NRG3: variants seen among roughly 807,000 people sequenced by gnomAD.
The protein encoded by NRG3 is pro-neuregulin-3, membrane-bound isoform.
Under a neutral mutation model 66.9 loss-of-function variants are expected in NRG3, and 31 were observed. The observed-to-expected ratio is 0.46, with a 90% CI of 0.35 to 0.63. The LOEUF (loss-of-function observed/expected upper bound fraction) is 0.63. Among genes scored for constraint, NRG3 ranks in the 20% least tolerant of loss-of-function variants. The probability of loss-of-function intolerance (pLI) is 0.00; values close to 1 mark genes in which losing one functional copy is unlikely to be tolerated. For synonymous variants in NRG3, 393 were observed against 359.4 expected, an observed-to-expected ratio of 1.09 and a Z score of -1.06; for missense variants, 910 against 878.9, an observed-to-expected ratio of 1.04 and a Z score of -0.45.
At chr10:82,613,491 G>T (rs944175055) in intron 2 of NRG3, among the ~76,000 whole-genome samples, 1 of 151,262 alleles carries the variant, frequency 6.6e-6, no homozygotes, top group African/African-American at 2.4e-5. Flanking sequence ...GTTGTAGGAT[G>T]ATAATATTTT....
intron 2 of NRG3, among the ~76,000 whole-genome samples, chr10:82,727,622 G>A (rs1444928908): frequency 6.6e-6 from 1 of 152,256 alleles, no homozygotes; most frequent in Admixed American, 6.5e-5. Context: ...GATGCTCATG[G>A]AGAACCTCTG....
chr10:82,463,717 A>G (rs1294725775), intron 2 of NRG3, among the ~76,000 whole-genome samples: 1 of 152,216 alleles, frequency 6.6e-6, no homozygotes, highest in Non-Finnish European at 1.5e-5. Flanking sequence ...ACCACATGGC[A>G]GAGAACCAAC....
intron 2 of NRG3, among the ~76,000 whole-genome samples, chr10:82,583,318 G>A (rs1210328786): frequency 6.6e-6 from 1 of 152,122 alleles, no homozygotes; most frequent in Non-Finnish European, 1.5e-5. Flanking sequence ...TTCAGTAACA[G>A]TCTAAATCCC....
intron 4 of NRG3, among the ~76,000 whole-genome samples, chr10:82,882,325 C>T (rs1842373271): frequency 6.6e-6 from 1 of 152,122 alleles, no homozygotes; most frequent in Admixed American, 6.5e-5. Context: ...ATTTCAAATC[C>T]CATTGTCTAA....
intron 2 of NRG3, among the ~76,000 whole-genome samples, chr10:82,454,405 A>T (rs1226166550): frequency 6.6e-6 from 1 of 152,200 alleles, no homozygotes; most frequent in Non-Finnish European, 1.5e-5. Context: ...AATATCTTAG[A>T]AACAAAGAAT....
intron 1 of NRG3, among the ~76,000 whole-genome samples, chr10:82,192,007 A>G (rs913561661): frequency 6.6e-6 from 1 of 152,134 alleles, no homozygotes; most frequent in African/African-American, 2.4e-5. Context: ...ATCTGCTCCC[A>G]TCAATGCAAA....
intron 3 of NRG3, among the ~76,000 whole-genome samples, chr10:82,807,781 C>G (rs1476088956): frequency 6.6e-6 from 1 of 152,126 alleles, no homozygotes; most frequent in African/African-American, 2.4e-5. Flanking sequence ...CCCTTTTTCC[C>G]TGTTTCCTGT....
At chr10:82,260,438 T>C (rs996316771) in intron 1 of NRG3, among the ~76,000 whole-genome samples, 3 of 152,220 alleles carry the variant, frequency 2.0e-5, no homozygotes, top group Non-Finnish European at 2.9e-5. Context: ...TCATATTCCT[T>C]CAACTTTCCA....
chr10:82,464,361 A>G (rs1262350419), intron 2 of NRG3, among the ~76,000 whole-genome samples: 3 of 152,210 alleles, frequency 2.0e-5, no homozygotes, highest in Non-Finnish European at 4.4e-5. Context: ...ATAGAGACTG[A>G]GAAGCACCGA....
chr10:82,528,505 G>A (rs983617638), intron 2 of NRG3, among the ~76,000 whole-genome samples: 2 of 152,130 alleles, frequency 1.3e-5, no homozygotes, highest in Non-Finnish European at 1.5e-5. Flanking sequence ...CAGAGTTCTG[G>A]TTTCCAAGGT....
intron 2 of NRG3, among the ~76,000 whole-genome samples, chr10:82,514,158 A>T (rs1358966524): frequency 6.6e-6 from 1 of 152,126 alleles, no homozygotes; most frequent in East Asian, 1.9e-4. Context: ...CTCTGATAAT[A>T]ATTTCTTTTG....
intron 2 of NRG3, among the ~76,000 whole-genome samples, chr10:82,693,355 T>C (rs1386043675): frequency 6.6e-6 from 1 of 152,214 alleles, no homozygotes; most frequent in African/African-American, 2.4e-5. Context: ...TAATTGCATT[T>C]TTTAAAAGAG....
chr10:82,980,841 T>C (rs1852801046), intron 8 of NRG3, among the ~76,000 whole-genome samples: 1 of 152,248 alleles, frequency 6.6e-6, no homozygotes, highest in Non-Finnish European at 1.5e-5. Context: ...CTTGGTCTTA[T>C]CTGTGGAAAA....
At chr10:82,325,543 A>G (rs1182095782) in intron 1 of NRG3, among the ~76,000 whole-genome samples, 1 of 151,484 alleles carries the variant, frequency 6.6e-6, no homozygotes, top group Non-Finnish European at 1.5e-5. Context: ...GCCTGTTTAT[A>G]TATTTTAAAG....
chr10:82,343,713 G>A (rs2082806538), intron 1 of NRG3, among the ~76,000 whole-genome samples: 1 of 152,086 alleles, frequency 6.6e-6, no homozygotes. Flanking sequence ...TGTATTGACT[G>A]TTAAGAAATT....
chr10:82,843,291 G>A (rs559066610), intron 3 of NRG3: 3 of 449,864 alleles, frequency 6.7e-6, no homozygotes, highest in African/African-American at 2.0e-5. Context: ...GGGTGGGACG[G>A]GTGTCATTCT....
chr10:82,847,952 A>G (rs2063381705), intron 3 of NRG3, among the ~76,000 whole-genome samples: 1 of 152,206 alleles, frequency 6.6e-6, no homozygotes, highest in South Asian at 2.1e-4. Context: ...TTAAAATTTG[A>G]TTTTATTGCG....
intron 2 of NRG3, among the ~76,000 whole-genome samples, chr10:82,631,225 G>A (rs1565146646): frequency 6.6e-6 from 1 of 152,132 alleles, no homozygotes; most frequent in African/African-American, 2.4e-5. Flanking sequence ...CTCCACTGCA[G>A]TATTTACTAA....
At chr10:82,855,311 CCTT>C (rs1331596675) in intron 3 of NRG3, among the ~76,000 whole-genome samples, 2 of 151,952 alleles carry the variant, frequency 1.3e-5, no homozygotes, top group Admixed American at 6.6e-5. Context: ...GCCATGTAAT[CCTT>C]CTTTCTTTTC....
Sources: gnomAD v4.1 joint callset for allele counts (sites outside exome capture counted in the v4.1 genomes callset) on GRCh38, gnomAD v4.1.1 for gene constraint, MANE v1.5 for transcripts, NCBI Gene and HGNC (gene_info 2026-07-23, HGNC 2026-07-21) for gene names.